The following DNAH9 variants were observed in gnomAD, a reference collection of about 807,000 sequenced individuals.
The protein encoded by DNAH9 is DNAH9 variant protein.
DNAH9 carries 345 observed loss-of-function variants against 471.6 expected under a neutral mutation model. The observed-to-expected ratio is 0.73, with a 90% CI of 0.67 to 0.80. The LOEUF (loss-of-function observed/expected upper bound fraction) is 0.80. Among genes scored for constraint, DNAH9 ranks in the 30% least tolerant of loss-of-function variants. The probability of loss-of-function intolerance (pLI) is 0.00; values close to 1 mark genes in which losing one functional copy is unlikely to be tolerated. For missense variants in DNAH9, 5,407 were observed against 5,609.2 expected (o/e 0.96, Z 1.15); for synonymous variants, 2,093 against 2,123.6 (o/e 0.99, Z 0.40).
At chr17:11,910,404 G>T (rs1973755572) in intron 61 of DNAH9, among the ~76,000 whole-genome samples, 1 of 152,120 alleles carries the variant, frequency 6.6e-6, no homozygotes, top group African/African-American at 2.4e-5. Context: ...CTTTCTTATG[G>T]ATGGGTAATA....
intron 48 of DNAH9, among the ~76,000 whole-genome samples, chr17:11,833,109 C>G (rs970222041): frequency 3.9e-5 from 6 of 152,202 alleles, no homozygotes; most frequent in African/African-American, 1.4e-4. Flanking sequence ...CTCTGCTGAT[C>G]TGAAAGTAGA....
At chr17:11,698,398 A>G (rs2150768672) in intron 22 of DNAH9, among the ~76,000 whole-genome samples, 1 of 146,330 alleles carries the variant, frequency 6.8e-6, no homozygotes, top group Non-Finnish European at 1.5e-5. Flanking sequence ...TATTTTATAT[A>G]TATATATGCT....
At chr17:11,770,079 G>C (rs540914655) in intron 38 of DNAH9, among the ~76,000 whole-genome samples, 4 of 152,270 alleles carry the variant, frequency 2.6e-5, no homozygotes, top group Admixed American at 1.3e-4. Flanking sequence ...TCTGTTACTT[G>C]GTCTGAGCTT....
intron 45 of DNAH9, among the ~76,000 whole-genome samples, chr17:11,818,220 G>A (rs1244218996): frequency 6.6e-6 from 1 of 152,148 alleles, no homozygotes; most frequent in Admixed American, 6.5e-5. Flanking sequence ...CACAAGGTCA[G>A]GAGATCGAGA....
At position 11,698,139 on chromosome 17, in the gene DNAH9, TA is replaced by T. The variant is rs1437403974; in HGVS notation, c.4873-1591del. Among the ~76,000 whole-genome samples the T allele has an allele frequency of 3.0e-5, 4 of 134,344 alleles. No individual in the cohort carries two copies. In the East Asian group the frequency reaches 6.0e-4, roughly 20 times the overall value. The allele number at this position is 134,344 out of a possible 152,430, so 88.1% of individuals were successfully genotyped here. A position where few individuals can be genotyped will look rare whatever the true frequency, so the allele number is the denominator to read the frequency against. ...TAGCTATATATAATATATAATTATA[TA>T]TTAGTATTATATTATTAATATATTA... On this transcript the variant is annotated intron_variant, in intron 22 of 68. Coordinates refer to ENST00000262442, the MANE Select transcript of DNAH9 (RefSeq NM_001372.4).
chr17:11,657,257 C>T (rs143346803), intron 14 of DNAH9, among the ~76,000 whole-genome samples: 90 of 152,128 alleles, frequency 5.9e-4, no homozygotes, highest in Middle Eastern at 6.8e-3. Flanking sequence ...TAAATTTTTA[C>T]CATTTTAGTC....
At position 11,623,027 on chromosome 17, in the gene DNAH9, GCA is replaced by G. The variant is rs2072902809; in HGVS notation, c.1350+3247_1350+3248del. Reference sequence around the variant, plus strand: ...TTGCTCTTGTTGCCCAGGCTGGAGTGCAGTGGCACAATCTCGGCTCACGACAA... The same window carrying G: ...TTGCTCTTGTTGCCCAGGCTGGAGTGGTGGCACAATCTCGGCTCACGACAA... On this transcript the variant is annotated intron_variant, in intron 6 of 68. Coordinates refer to ENST00000262442, the MANE Select transcript of DNAH9 (RefSeq NM_001372.4). The surrounding 1 kb of genome is among the most constrained non-coding windows in gnomAD (Gnocchi z 4.1). Among the ~76,000 whole-genome samples the G allele has an allele frequency of 7.0e-6, 1 of 143,154 alleles. No individual in the cohort carries two copies. Among genetic ancestry groups the G allele is most frequent in the Non-Finnish European group, 1.5e-5 (1 of 66,708 alleles). 93.9% of individuals were successfully genotyped at this position (143,154 alleles called of 152,430 possible). A position where few individuals can be genotyped will look rare whatever the true frequency, so the allele number is the denominator to read the frequency against.
At chr17:11,893,178 C>CCAAA (rs1448222515) in intron 58 of DNAH9, among the ~76,000 whole-genome samples, 1 of 95,174 alleles carries the variant, frequency 1.1e-5, no homozygotes, top group African/African-American at 4.0e-5. Context: ...TTGGCCTTTG[C>CCAAA]AAAAAAAAAA....
At chr17:11,608,038 T>C in intron 1 of DNAH9, 91 bp from the exon 2 acceptor site, 1 of 1,001,122 alleles carries the variant, frequency 1.0e-6, no homozygotes, top group East Asian at 2.4e-5. Flanking sequence ...AAAGGTTGTA[T>C]ATAGCTTTAT....
intron 20 of DNAH9, among the ~76,000 whole-genome samples, chr17:11,690,721 A>G (rs2074320941): frequency 6.6e-6 from 1 of 152,188 alleles, no homozygotes; most frequent in African/African-American, 2.4e-5. Flanking sequence ...AAGATTAAAA[A>G]AAAATACTGG....
At chr17:11,628,720 A>G (rs1288373796) in intron 6 of DNAH9, among the ~76,000 whole-genome samples, 1 of 152,224 alleles carries the variant, frequency 6.6e-6, no homozygotes, top group Admixed American at 6.5e-5. Flanking sequence ...CTAGAACTGG[A>G]TAACATGATC....
intron 45 of DNAH9, among the ~76,000 whole-genome samples, chr17:11,821,396 C>T (rs918470742): frequency 9.9e-5 from 15 of 151,968 alleles, no homozygotes; most frequent in African/African-American, 1.4e-4. Context: ...TGATTTAAGG[C>T]GTCCTGCTTA....
At chr17:11,929,553 A>G (rs867282804) in intron 62 of DNAH9, among the ~76,000 whole-genome samples, 1 of 152,222 alleles carries the variant, frequency 6.6e-6, no homozygotes, top group African/African-American at 2.4e-5. Flanking sequence ...GCAAGAGATA[A>G]GAGTTTAACT....
chr17:11,698,351 T>C (rs1398616388), intron 22 of DNAH9, among the ~76,000 whole-genome samples: 1 of 126,842 alleles, frequency 7.9e-6, no homozygotes, highest in Non-Finnish European at 1.6e-5. Context: ...TACATACTAA[T>C]TATATATTAT....
rs771315091 is a variant in DNAH9, at chr17:11,693,940, G to GT, written c.4688dup (p.Val1564SerfsTer11). 6.2e-7 allele frequency: 1 copy of GT among 1,614,174 alleles called. No individual in the cohort carries two copies. The highest frequency in any genetic ancestry group is 8.5e-7 in the Non-Finnish European group (1 of 1,180,022). On this transcript the variant is annotated frameshift_variant, in exon 21 of 69. Transcript: ENST00000262442. LOFTEE classifies it high-confidence loss of function. ...TTATGATGCCCAGAAAATTCCAAATGTAGTGCAAACCACCAACAAGCCAGG... is the reference window on the plus strand; with the variant it reads ...TTATGATGCCCAGAAAATTCCAAATGTTAGTGCAAACCACCAACAAGCCAGG...
At chr17:11,762,764 T>G (rs920052663) in intron 35 of DNAH9, among the ~76,000 whole-genome samples, 4 of 94,580 alleles carry the variant, frequency 4.2e-5, no homozygotes, top group Non-Finnish European at 4.5e-5. Flanking sequence ...GTGCGTTTTT[T>G]TTTTTGTTTT....
chr17:11,961,253 T>G (rs1451819305), intron 67 of DNAH9, among the ~76,000 whole-genome samples: 1 of 152,124 alleles, frequency 6.6e-6, no homozygotes, highest in Non-Finnish European at 1.5e-5. Context: ...AGGCGGAGGT[T>G]GCAGTGAGCA....
chr17:11,651,258 G>A lies in DNAH9; in HGVS notation c.2287G>A (p.Glu763Lys), dbSNP rs753567650. The change falls in exon 13 of 69, where the codon GAA becomes AAA. Residue 763 changes from glutamate (E) to lysine (K), a missense_variant. By Grantham distance (56) the Glu-to-Lys change is moderately conservative. This residue lies in a region of DNAH9 where 4,636 missense variants were observed against 4,900.3 expected (regional missense o/e 0.95). Transcript: ENST00000262442. ...LLEVEFPLVE[E>K]ELQNIDLRLR... Reference sequence around the variant, plus strand: ...GGAGGTGGAATTTCCATTAGTGGAGGAAGAGCTGCAAAATATTGATCTCCG... The same window carrying A: ...GGAGGTGGAATTTCCATTAGTGGAGAAAGAGCTGCAAAATATTGATCTCCG... 1.9e-6 allele frequency: 3 copies of A among 1,614,024 alleles called. No homozygotes were observed.
chr17:11,843,841 T>TTGTG lies in DNAH9; in HGVS notation c.9507+8963_9507+8966dup, dbSNP rs370150805. On this transcript the variant is annotated intron_variant, in intron 49 of 68. Transcript: ENST00000262442. ...TTTGTATATATACATGTATATGTGTTTGTGTGTGTGTGTGTGTGTGTGTAT... is the reference window on the plus strand; with the variant it reads ...TTTGTATATATACATGTATATGTGTTTGTGTGTGTGTGTGTGTGTGTGTGTGTAT... Among the ~76,000 whole-genome samples the TTGTG allele has an allele frequency of 3.6e-3, 254 of 69,830 alleles. 10 individuals carry two copies. The highest frequency in any genetic ancestry group is 0.012 in the African/African-American group (233 of 19,422). The allele number at this position is 69,830 out of a possible 152,430, so 45.8% of individuals were successfully genotyped here. A position where few individuals can be genotyped will look rare whatever the true frequency, so the allele number is the denominator to read the frequency against.
Sources: gnomAD v4.1 joint callset for allele counts (sites outside exome capture counted in the v4.1 genomes callset) on GRCh38, gnomAD v4.1.1 for gene constraint, gnomAD v4.1.1 regional missense constraint, Gnocchi (gnomAD v3.1) non-coding constraint, MANE v1.5 for transcripts, NCBI Gene and HGNC (gene_info 2026-07-23, HGNC 2026-07-21) for gene names.